The following ANXA4 variants were observed in gnomAD, a reference collection of about 807,000 sequenced individuals.
ANXA4 encodes 35-beta calcimedin.
In ANXA4, 39 loss-of-function variants were observed where a neutral mutation model predicts 49.8. The ratio of observed to expected loss-of-function variants is 0.78; its 90% CI spans 0.61 to 1.02. ANXA4 has a LOEUF of 1.02. Among genes scored for constraint, ANXA4 ranks in the 50% least tolerant of loss-of-function variants. The probability of loss-of-function intolerance (pLI) is 0.00; values close to 1 mark genes in which losing one functional copy is unlikely to be tolerated. For missense variants in ANXA4, 360 were observed against 410.1 expected (o/e 0.88, Z 1.05); for synonymous variants, 134 against 152.5 (o/e 0.88, Z 0.89).
At chr2:69,821,398 C>T (rs1037937538) in intron 12 of ANXA4, among the ~76,000 whole-genome samples, 1 of 152,130 alleles carries the variant, frequency 6.6e-6, no homozygotes, top group Non-Finnish European at 1.5e-5. Context: ...TTCAAATCAG[C>T]GTTCGATCTG....
chr2:69,721,461 A>G (rs1669808822), intron 3 of ANXA4, among the ~76,000 whole-genome samples: 1 of 152,168 alleles, frequency 6.6e-6, no homozygotes, highest in African/African-American at 2.4e-5. Flanking sequence ...CGATCCCAGC[A>G]CTTTGGGAGG....
intron 2 of ANXA4, among the ~76,000 whole-genome samples, chr2:69,697,088 C>T (rs897230844): frequency 1.3e-5 from 2 of 152,204 alleles, no homozygotes; most frequent in Admixed American, 6.5e-5. Context: ...TCTCTAGCTA[C>T]GAAAGTCCTA....
chr2:69,776,281 C>T (rs1434506550), intron 1 of ANXA4, among the ~76,000 whole-genome samples: 1 of 152,032 alleles, frequency 6.6e-6, no homozygotes, highest in African/African-American at 2.4e-5. Context: ...TGGCCCAGAC[C>T]ATTTAAAAAT....
At chr2:69,805,278 A>T (rs918569548) in intron 4 of ANXA4, among the ~76,000 whole-genome samples, 8 of 152,066 alleles carry the variant, frequency 5.3e-5, no homozygotes, top group Non-Finnish European at 8.8e-5. Context: ...CCTTATGTAT[A>T]TAACAGTAGA....
At chr2:69,804,476 T>A in intron 3 of ANXA4, 57 bp from the exon 4 acceptor site, 1 of 1,494,070 alleles carries the variant, frequency 6.7e-7, no homozygotes, top group African/African-American at 1.4e-5. Flanking sequence ...CAGAGGAACC[T>A]GCTTTCTCAT....
intron 1 of ANXA4, among the ~76,000 whole-genome samples, chr2:69,645,350 A>C (rs1396794): frequency 0.032 from 4,876 of 152,290 alleles, 262 homozygotes; most frequent in African/African-American, 0.11. Flanking sequence ...TGCAGCCCCT[A>C]TTCCCTCAAA....
chr2:69,813,992 A>G (rs1573309784), intron 8 of ANXA4, among the ~76,000 whole-genome samples: 1 of 150,280 alleles, frequency 6.7e-6, no homozygotes, highest in African/African-American at 2.4e-5. Context: ...TCCTGACCTC[A>G]AATGATCCAC....
chr2:69,769,974 T>G (rs1671646431), intron 1 of ANXA4, among the ~76,000 whole-genome samples: 1 of 152,190 alleles, frequency 6.6e-6, no homozygotes, highest in African/African-American at 2.4e-5. Flanking sequence ...AAGATACATG[T>G]TTTTTAATTA....
chr2:69,702,989 AC>A (rs1212066688), intron 2 of ANXA4, among the ~76,000 whole-genome samples: 1 of 152,182 alleles, frequency 6.6e-6, no homozygotes, highest in Admixed American at 6.5e-5. Flanking sequence ...TTACTCAAAA[AC>A]CATTCATTAA....
chr2:69,677,387 G>A (rs1004623924), intron 2 of ANXA4, among the ~76,000 whole-genome samples: 1 of 151,860 alleles, frequency 6.6e-6, no homozygotes, highest in Non-Finnish European at 1.5e-5. Context: ...GTGCCACCAC[G>A]CCCTGCTGAT....
chr2:69,757,258 ATATATATATTTTT>A (rs1240753638), intron 1 of ANXA4, among the ~76,000 whole-genome samples: 1 of 42,886 alleles, frequency 2.3e-5, no homozygotes, highest in Admixed American at 3.8e-4. Context: ...ATATATATAT[ATATATATATTTTT>A]TTTTTTTTTT....
intron 3 of ANXA4, among the ~76,000 whole-genome samples, chr2:69,792,286 C>T (rs1478083492): frequency 6.6e-6 from 1 of 152,152 alleles, no homozygotes; most frequent in African/African-American, 2.4e-5. Context: ...ATTCATTAGC[C>T]TTTTCTATTC....
chr2:69,804,905 G>A (rs978563830), intron 4 of ANXA4, among the ~76,000 whole-genome samples: 2 of 151,714 alleles, frequency 1.3e-5, no homozygotes, highest in African/African-American at 4.8e-5. Context: ...AAAATTAGCC[G>A]GGCATGGTGC....
intron 1 of ANXA4, among the ~76,000 whole-genome samples, chr2:69,775,593 C>A (rs1352413356): frequency 3.3e-5 from 5 of 152,188 alleles, no homozygotes; most frequent in African/African-American, 1.2e-4. Flanking sequence ...AAGAAACAGA[C>A]TGCTATCGGA....
At chr2:69,661,238 G>C (rs1352315387) in intron 2 of ANXA4, among the ~76,000 whole-genome samples, 1 of 140,410 alleles carries the variant, frequency 7.1e-6, no homozygotes, top group African/African-American at 2.6e-5. Context: ...AAAAAAAAAA[G>C]CTGAGAAAAT....
At chr2:69,692,710 C>A (rs1678016822) in intron 2 of ANXA4, among the ~76,000 whole-genome samples, 1 of 152,172 alleles carries the variant, frequency 6.6e-6, no homozygotes, top group Non-Finnish European at 1.5e-5. Flanking sequence ...CAAAGGATTT[C>A]CATAAATTCA....
intron 1 of ANXA4, among the ~76,000 whole-genome samples, chr2:69,650,636 T>C (rs1676198670): frequency 6.6e-6 from 1 of 152,202 alleles, no homozygotes; most frequent in African/African-American, 2.4e-5. Context: ...TAATTTTTTG[T>C]AGAGACAGGG....
At chr2:69,792,778 T>C (rs1045695728) in intron 3 of ANXA4, among the ~76,000 whole-genome samples, 15 of 152,212 alleles carry the variant, frequency 9.9e-5, no homozygotes, top group African/African-American at 3.4e-4. Flanking sequence ...CATGTTATAA[T>C]GGTAACTTTT....
chr2:69,778,386 GT>G (rs1277605687), intron 1 of ANXA4, among the ~76,000 whole-genome samples: 1 of 152,228 alleles, frequency 6.6e-6, no homozygotes, highest in Non-Finnish European at 1.5e-5. Flanking sequence ...AGTTAGCCAA[GT>G]TACAATGCAT....
Sources: allele counts gnomAD v4.1 joint callset (sites outside exome capture counted in the v4.1 genomes callset), GRCh38; gene constraint gnomAD v4.1.1; transcripts MANE v1.5; gene names NCBI Gene and HGNC (gene_info 2026-07-23, HGNC 2026-07-21).